ZNF573: variants seen among roughly 807,000 people sequenced by gnomAD.
ZNF573 encodes the protein zinc finger protein 573.
In ZNF573, 41 loss-of-function variants were observed where a neutral mutation model predicts 57.4. The ratio of observed to expected loss-of-function variants is 0.71; its 90% CI spans 0.56 to 0.93. The LOEUF is 0.93. Among genes scored for constraint, ZNF573 ranks in the 40% least tolerant of loss-of-function variants. The pLI, the probability that ZNF573 is intolerant of heterozygous loss-of-function variation, is 0.00. For synonymous variants in ZNF573, 249 were observed against 261.0 expected, an observed-to-expected ratio of 0.95 and a Z score of 0.44; for missense variants, 730 against 794.8, an observed-to-expected ratio of 0.92 and a Z score of 0.98.
At chr19:37,759,768 A>C (rs2045533652) in intron 4 of ZNF573, among the ~76,000 whole-genome samples, 1 of 152,112 alleles carries the variant, frequency 6.6e-6, no homozygotes, top group African/African-American at 2.4e-5. Flanking sequence ...AATGAAAATA[A>C]AAATTATAGT....
intron 4 of ZNF573, 58 bp downstream of exon 4, chr19:37,769,944 TCTC>T (rs2145328005): frequency 1.4e-6 from 2 of 1,411,206 alleles, no homozygotes; most frequent in African/African-American, 2.8e-5. Context: ...CACAAAAATG[TCTC>T]CTTTCTCTTA....
At chr19:37,774,659 A>C (rs756725583) in intron 1 of ZNF573, among the ~76,000 whole-genome samples, 8 of 152,210 alleles carry the variant, frequency 5.3e-5, no homozygotes, top group Non-Finnish European at 1.2e-4. Flanking sequence ...ATATACTGTC[A>C]ACGGAAAATT....
chr19:37,764,067 A>C (rs1354715731), intron 4 of ZNF573, among the ~76,000 whole-genome samples: 2 of 150,854 alleles, frequency 1.3e-5, no homozygotes. Context: ...CTGCCTCAAA[A>C]AAAAAAAAAA....
At chr19:37,769,649 C>T (rs2045635210) in intron 4 of ZNF573, among the ~76,000 whole-genome samples, 1 of 149,838 alleles carries the variant, frequency 6.7e-6, no homozygotes, top group Admixed American at 6.7e-5. Context: ...TCACCTGAAC[C>T]CAGGAGGTGG....
At chr19:37,753,006 A>G (rs1366239435) in intron 4 of ZNF573, among the ~76,000 whole-genome samples, 1 of 152,068 alleles carries the variant, frequency 6.6e-6, no homozygotes, top group Non-Finnish European at 1.5e-5. Context: ...TGTAATCCTA[A>G]CACTTTGGGA....
chr19:37,747,757 G>A (rs773710060), intron 4 of ZNF573, among the ~76,000 whole-genome samples: 48 of 151,642 alleles, frequency 3.2e-4, no homozygotes, highest in East Asian at 3.9e-4. Context: ...CAAGCTGGTC[G>A]GCTCACTGCA....
At chr19:37,759,943 T>A (rs962133871) in intron 4 of ZNF573, among the ~76,000 whole-genome samples, 1 of 152,152 alleles carries the variant, frequency 6.6e-6, no homozygotes, top group Non-Finnish European at 1.5e-5. Context: ...TTGGACAAGA[T>A]GAAATGGAGA....
Position 37,739,175 on chromosome 19 carries a change from T to C in ZNF573, c.1315A>G (p.Met439Val). Reference sequence around the variant, plus strand: ...CACTCCTTACATTCAAAGTGTTTCATGCCAGTATGAATTTTCTGATGTTGT... The same window carrying C: ...CACTCCTTACATTCAAAGTGTTTCACGCCAGTATGAATTTTCTGATGTTGT... ...LKQHQKIHTG[M>V]KHFECKECKK... Residue 439 changes from methionine to valine, a missense_variant, in exon 5 of 5, where the codon ATG becomes GTG. Coordinates refer to ENST00000536220, the MANE Select transcript of ZNF573 (RefSeq NM_001172690.2). 1.9e-6 allele frequency: 3 copies of C among 1,612,882 alleles called. No homozygotes were observed. Among genetic ancestry groups the C allele is most frequent in the Non-Finnish European group, 2.5e-6 (3 of 1,179,666 alleles).
rs1303611443 is a variant in ZNF573, at chr19:37,738,319, T to C, written c.*173A>G. 4 of 487,258 alleles carry C rather than the reference T, an allele frequency of 8.2e-6. No individual in the cohort carries two copies. Among genetic ancestry groups the C allele is most frequent in the Admixed American group, 6.5e-5 (2 of 30,610 alleles). 30.2% of individuals were successfully genotyped at this position (487,258 alleles called of 1,614,324 possible). ...TTTTTTTTCTTAATTTACCATTGAA[T>C]AGTCAGATATTCCATTAAAACAGGA... On this transcript the variant is annotated 3_prime_UTR_variant, in exon 5 of 5. Transcript: ENST00000536220.
intron 4 of ZNF573, among the ~76,000 whole-genome samples, chr19:37,762,080 C>T (rs2045558456): frequency 6.6e-6 from 1 of 152,156 alleles, no homozygotes; most frequent in Non-Finnish European, 1.5e-5. Context: ...TTATTGTCTC[C>T]TCATGTGATA....
At chr19:37,774,152 T>A (rs1351530049) in intron 1 of ZNF573, among the ~76,000 whole-genome samples, 1 of 134,708 alleles carries the variant, frequency 7.4e-6, no homozygotes, top group East Asian at 2.0e-4. Flanking sequence ...TTTTTTTTTT[T>A]TCTGAGATGG....
intron 4 of ZNF573, among the ~76,000 whole-genome samples, chr19:37,750,739 C>A (rs746328303): frequency 6.6e-6 from 1 of 151,056 alleles, no homozygotes; most frequent in Non-Finnish European, 1.5e-5. Context: ...GTAATCCCAG[C>A]ACTTTGGGAC....
At chr19:37,775,009 TCTC>T (rs1568425450) in intron 1 of ZNF573, among the ~76,000 whole-genome samples, 15 of 147,536 alleles carry the variant, frequency 1.0e-4, no homozygotes, top group South Asian at 2.2e-4. Context: ...CTAAACTCTC[TCTC>T]TTTTTTTTTT....
intron 4 of ZNF573, among the ~76,000 whole-genome samples, chr19:37,756,208 CTT>C (rs564250952): frequency 2.0e-4 from 30 of 152,308 alleles, no homozygotes; most frequent in Admixed American, 5.2e-4. Context: ...AATAAGAGAT[CTT>C]TAGATCACTT....
chr19:37,747,977 C>T (rs1047352668), intron 4 of ZNF573, among the ~76,000 whole-genome samples: 2 of 152,126 alleles, frequency 1.3e-5, no homozygotes, highest in African/African-American at 4.8e-5. Flanking sequence ...TGAGCCACCG[C>T]GCCCGGCTGT....
chr19:37,775,698 C>T (rs2045701193), intron 1 of ZNF573, among the ~76,000 whole-genome samples: 1 of 151,882 alleles, frequency 6.6e-6, no homozygotes, highest in African/African-American at 2.4e-5. Flanking sequence ...AAAGACTTAC[C>T]CAAAAAGCCC....
Position 37,739,946 on chromosome 19 carries a change from T to G in ZNF573, c.544A>C (p.Arg182=). ...RSGYQLTLHQ[R]FHTGEKPYEC... ...TAGGGTTTCTCACCAGTATGAAATC[T>G]TTGATGTAGAGTAAGTTGATAGCCA... The change falls in exon 5 of 5, where the codon AGA becomes CGA. Residue 182 remains arginine, a synonymous_variant. Coordinates refer to ENST00000536220, the MANE Select transcript of ZNF573 (RefSeq NM_001172690.2). 1 of 1,614,204 alleles carries G rather than the reference T, an allele frequency of 6.2e-7. No individual in the cohort carries two copies. The highest frequency in any genetic ancestry group is 8.5e-7 in the Non-Finnish European group (1 of 1,180,014).
At chr19:37,759,466 G>A (rs1007978180) in intron 4 of ZNF573, among the ~76,000 whole-genome samples, 1 of 152,072 alleles carries the variant, frequency 6.6e-6, no homozygotes, top group Non-Finnish European at 1.5e-5. Context: ...GGTGGCTCAC[G>A]CCTGTAATCC....
intron 4 of ZNF573, among the ~76,000 whole-genome samples, chr19:37,744,233 T>A (rs1232799991): frequency 6.6e-6 from 1 of 151,744 alleles, no homozygotes; most frequent in Non-Finnish European, 1.5e-5. Context: ...CCCAAGCAGG[T>A]CATAAAACAA....
Sources: gnomAD v4.1 joint callset for allele counts (sites outside exome capture counted in the v4.1 genomes callset) on GRCh38, gnomAD v4.1.1 for gene constraint, MANE v1.5 for transcripts, NCBI Gene and HGNC (gene_info 2026-07-23, HGNC 2026-07-21) for gene names.